Variants in PLG observed in about 807,000 individuals in gnomAD.
PLG encodes plasmin.
PLG carries 41 observed loss-of-function variants against 104.4 expected under a neutral mutation model. That is an observed-to-expected ratio of 0.39 (90% CI 0.31 to 0.51). The LOEUF is 0.51. PLG is among the 20% of genes least tolerant of loss of function. PLG has a pLI of 0.76. For synonymous variants in PLG, 337 were observed against 357.1 expected, an observed-to-expected ratio of 0.94 and a Z score of 0.63; for missense variants, 891 against 1,003.6, an observed-to-expected ratio of 0.89 and a Z score of 1.52.
chr6:160,721,688 C>T (rs1777831721), intron 9 of PLG, among the ~76,000 whole-genome samples: 1 of 152,220 alleles, frequency 6.6e-6, no homozygotes, highest in South Asian at 2.1e-4. Flanking sequence ...TAGGAGAATA[C>T]TTATCTCCCT....
At chr6:160,706,339 A>G in intron 1 of PLG, 68 bp from the exon 2 acceptor site, 1 of 1,593,482 alleles carries the variant, frequency 6.3e-7, no homozygotes. Context: ...ATTAAAAGGA[A>G]GTCATGACAA....
intron 17 of PLG, among the ~76,000 whole-genome samples, chr6:160,751,253 G>T (rs1386854144): frequency 1.3e-5 from 2 of 152,196 alleles, no homozygotes; most frequent in East Asian, 1.9e-4. Context: ...GATGTGGAAA[G>T]CTGGAAGCAA....
chr6:160,729,777 T>A (rs992952235), intron 10 of PLG, among the ~76,000 whole-genome samples: 7 of 152,100 alleles, frequency 4.6e-5, no homozygotes, highest in Admixed American at 1.3e-4. Context: ...GTTTCTAGAG[T>A]AATGGAAGTG....
Position 160,726,882 on chromosome 6 carries a change from G to T in PLG, c.1257-4169G>T, listed in dbSNP as rs1442072762. Among the ~76,000 whole-genome samples the T allele has an allele frequency of 6.6e-6, 1 of 151,824 alleles. No homozygotes were observed. On this transcript the variant is annotated intron_variant, in intron 10 of 18. Transcript: ENST00000308192. The surrounding 1 kb of genome is among the most constrained non-coding windows in gnomAD (Gnocchi z 4.4). ...AAGATAACTTAAACATCTAGAAAAGGAGAAGCAAATAAGATCCAAGGTAAG... is the reference window on the plus strand; with the variant it reads ...AAGATAACTTAAACATCTAGAAAAGTAGAAGCAAATAAGATCCAAGGTAAG...
Position 160,752,377 on chromosome 6 carries a change from T to G in PLG, c.2271+117T>G, listed in dbSNP as rs1778418595. On this transcript the variant is annotated intron_variant, in intron 18 of 18. Coordinates refer to ENST00000308192, the MANE Select transcript of PLG (RefSeq NM_000301.5). The surrounding 1 kb of genome is among the most constrained non-coding windows in gnomAD (Gnocchi z 4.7). ...GGATTTTCAACCGAAGACCCCAGTC[T>G]AAGTGTTGTTTAGAAACTTCCTAGA... 6.7e-6 allele frequency: 6 copies of G among 892,896 alleles called. No homozygotes were observed. Among genetic ancestry groups the G allele is most frequent in the Non-Finnish European group, 1.1e-5 (6 of 538,508 alleles). The allele number at this position is 892,896 out of a possible 1,614,324, so 55.3% of individuals were successfully genotyped here. A position where few individuals can be genotyped will look rare whatever the true frequency, so the allele number is the denominator to read the frequency against.
chr6:160,711,319 G>T (rs1562372432), intron 4 of PLG, 128 bp downstream of exon 4: 2 of 892,534 alleles, frequency 2.2e-6, no homozygotes, highest in Non-Finnish European at 3.5e-6. Flanking sequence ...ATATAAAATG[G>T]TGCAGTATTT....
intron 17 of PLG, among the ~76,000 whole-genome samples, chr6:160,745,449 TC>T (rs1299094944): frequency 6.6e-6 from 1 of 152,226 alleles, no homozygotes; most frequent in East Asian, 1.9e-4. Flanking sequence ...GTCTGTTTTG[TC>T]TGAAATTAGG....
Position 160,711,064 on chromosome 6 carries a change from G to T in PLG, c.293-13G>T. The T allele has an allele frequency of 6.2e-7, 1 of 1,613,028 alleles. No homozygotes were observed. Among genetic ancestry groups the T allele is most frequent in the South Asian group, 1.1e-5 (1 of 91,054 alleles). On this transcript the variant is annotated splice_polypyrimidine_tract_variant and intron_variant, in intron 3 of 18. Transcript: ENST00000308192. ...TGTGAAAGACTTTGACCACTGTGTGGACTTCCCTTCAGTGTATCTCTCAGA... is the reference window on the plus strand; with the variant it reads ...TGTGAAAGACTTTGACCACTGTGTGTACTTCCCTTCAGTGTATCTCTCAGA...
At chr6:160,727,445 T>A (rs574280260) in intron 10 of PLG, among the ~76,000 whole-genome samples, 2 of 151,128 alleles carry the variant, frequency 1.3e-5, no homozygotes, top group East Asian at 3.9e-4. Context: ...CTTGACTCAA[T>A]TTGTGAGAAA....
At position 160,711,071 on chromosome 6, in the gene PLG, C is replaced by A. The variant is rs201195910; in HGVS notation, c.293-6C>A. On this transcript the variant is annotated splice_polypyrimidine_tract_variant and splice_region_variant and intron_variant, in intron 3 of 18. Transcript: ENST00000308192. ...GACTTTGACCACTGTGTGGACTTCC[C>A]TTCAGTGTATCTCTCAGAGTGCAAG... is the stretch of plus-strand genomic sequence containing the variant. 8 of 1,612,956 alleles carry A rather than the reference C, an allele frequency of 5.0e-6. No homozygotes were observed. Among genetic ancestry groups the A allele is most frequent in the Non-Finnish European group, 6.8e-6 (8 of 1,179,132 alleles).
rs1778196586 is a variant in PLG, at chr6:160,741,555, C to G, written c.2125+138C>G. 2 of 703,652 alleles carry G rather than the reference C, an allele frequency of 2.8e-6. No individual in the cohort carries two copies. Among genetic ancestry groups the G allele is most frequent in the Admixed American group, 4.1e-5 (2 of 49,230 alleles). 43.6% of individuals were successfully genotyped at this position (703,652 alleles called of 1,614,324 possible). On this transcript the variant is annotated intron_variant, in intron 17 of 18. Transcript: ENST00000308192. This position sits in a 1 kb window ranked among gnomAD's most constrained non-coding sequence, Gnocchi z 4.7. ...CCCCACTCCTGATTTTGCCTGGGCA[C>G]CTGTCTATGTCTTAATCAGTCTTCA...
At chr6:160,730,497 T>C (rs146400667) in intron 10 of PLG, among the ~76,000 whole-genome samples, 41 of 152,362 alleles carry the variant, frequency 2.7e-4, no homozygotes, top group Non-Finnish European at 4.6e-4. Context: ...GTGGTTGTTT[T>C]TCATAGTAAA....
At chr6:160,718,648 T>A in intron 8 of PLG, 45 bp from the exon 9 acceptor site, 2 of 1,606,694 alleles carry the variant, frequency 1.2e-6, no homozygotes, top group Non-Finnish European at 1.7e-6. Context: ...TTCCCTAGAC[T>A]TTTTTCTTTT....
Position 160,752,077 on chromosome 6 carries a change from G to C in PLG, c.2126-38G>C. On this transcript the variant is annotated intron_variant, in intron 17 of 18. Coordinates refer to ENST00000308192, the MANE Select transcript of PLG (RefSeq NM_000301.5). The surrounding 1 kb of genome is among the most constrained non-coding windows in gnomAD (Gnocchi z 4.7). ...TGGAATATCCTCCTGAATGTGTTTT[G>C]GGTGCAGTTGCCATTTCTTTCATCT... 1 of 1,598,510 alleles carries C rather than the reference G, an allele frequency of 6.3e-7. No individual in the cohort carries two copies. The highest frequency in any genetic ancestry group is 1.7e-5 in the Admixed American group (1 of 60,002).
chr6:160,718,246 G>C, intron 7 of PLG, 48 bp from the exon 8 acceptor site: 1 of 1,541,458 alleles, frequency 6.5e-7, no homozygotes, highest in Non-Finnish European at 9.0e-7. Flanking sequence ...GCGAGACTCC[G>C]TCTCAAAAAA....
chr6:160,730,133 G>A (rs79337140), intron 10 of PLG, among the ~76,000 whole-genome samples: 5 of 152,070 alleles, frequency 3.3e-5, no homozygotes, highest in South Asian at 4.1e-4. Flanking sequence ...GGAGGCATGA[G>A]GGGGAGCACA....
intron 10 of PLG, 107 bp downstream of exon 10, chr6:160,722,674 T>C: frequency 1.0e-6 from 1 of 976,996 alleles, no homozygotes; most frequent in Non-Finnish European, 1.6e-6. Context: ...AAATTTCTCT[T>C]AGACCCAGAA....
At position 160,753,219 on chromosome 6, in the gene PLG, G is replaced by A. The variant is rs906997375; in HGVS notation, c.*158G>A. 3.4e-5 allele frequency: 21 copies of A among 612,560 alleles called. No homozygotes were observed. The Admixed American group carries it at 5.4e-4, about 16-fold the overall frequency. The allele number at this position is 612,560 out of a possible 1,614,324, so 37.9% of individuals were successfully genotyped here. A position where few individuals can be genotyped will look rare whatever the true frequency, so the allele number is the denominator to read the frequency against. On this transcript the variant is annotated 3_prime_UTR_variant, in exon 19 of 19. Coordinates refer to ENST00000308192, the MANE Select transcript of PLG (RefSeq NM_000301.5). This position sits in a 1 kb window ranked among gnomAD's most constrained non-coding sequence, Gnocchi z 5.4. Reference sequence around the variant, plus strand: ...GCATTTTTTGTGTTATTTTCTGACTGCTGGATTCTGTAGTAAGGTGACATA... The same window carrying A: ...GCATTTTTTGTGTTATTTTCTGACTACTGGATTCTGTAGTAAGGTGACATA...
chr6:160,704,067 C>T (rs1582928481), intron 1 of PLG, among the ~76,000 whole-genome samples: 1 of 152,248 alleles, frequency 6.6e-6, no homozygotes, highest in African/African-American at 2.4e-5. Flanking sequence ...AATTCTCACA[C>T]CATTAATAAA....
Sources: gnomAD v4.1 joint callset for allele counts (sites outside exome capture counted in the v4.1 genomes callset) on GRCh38, gnomAD v4.1.1 for gene constraint, Gnocchi (gnomAD v3.1) non-coding constraint, MANE v1.5 for transcripts, NCBI Gene and HGNC (gene_info 2026-07-23, HGNC 2026-07-21) for gene names.